MERTK: variants seen among roughly 807,000 people sequenced by gnomAD.
MERTK encodes the protein tyrosine-protein kinase Mer.
In MERTK, 69 loss-of-function variants were observed where a neutral mutation model predicts 99.3. The observed-to-expected ratio is 0.70, with a 90% confidence interval of 0.57 to 0.85. The LOEUF (loss-of-function observed/expected upper bound fraction) is 0.85, where lower values mean the gene tolerates loss of function less well. Among genes scored for constraint, MERTK ranks in the 40% least tolerant of loss-of-function variants. The pLI, the probability that MERTK is intolerant of heterozygous loss-of-function variation, is 0.00. For synonymous variants in MERTK, 426 were observed against 467.6 expected, an observed-to-expected ratio of 0.91 and a Z score of 1.15; for missense variants, 1,125 against 1,249.4, an observed-to-expected ratio of 0.90 and a Z score of 1.50.
chr2:111,947,962 G>A (rs1355476152), intron 4 of MERTK, among the ~76,000 whole-genome samples: 2 of 152,088 alleles, frequency 1.3e-5, no homozygotes, highest in African/African-American at 4.8e-5. Flanking sequence ...TCATCATGGG[G>A]AGCTATTGCA....
intron 18 of MERTK, among the ~76,000 whole-genome samples, chr2:112,023,086 TG>T (rs1204553433): frequency 6.6e-6 from 1 of 152,092 alleles, no homozygotes; most frequent in Non-Finnish European, 1.5e-5. Context: ...AAGACCAGCC[TG>T]GGCAACATAG....
At chr2:111,989,770 A>G (rs1273540393) in intron 8 of MERTK, among the ~76,000 whole-genome samples, 1 of 152,174 alleles carries the variant, frequency 6.6e-6, no homozygotes, top group African/African-American at 2.4e-5. Context: ...TAAAAAACAA[A>G]TTGACTTTCC....
chr2:112,016,274 GAATA>G (rs1427909071), intron 15 of MERTK, among the ~76,000 whole-genome samples: 1 of 152,102 alleles, frequency 6.6e-6, no homozygotes. Flanking sequence ...ACTGACTGAT[GAATA>G]GTTTCCATTT....
rs984652790 is a variant in MERTK, at chr2:111,951,522, C to T, written c.757+3955C>T. Among the ~76,000 whole-genome samples the T allele has an allele frequency of 1.2e-3, 107 of 85,844 alleles. 4 individuals carry two copies. Among genetic ancestry groups the T allele is most frequent in the Non-Finnish European group, 2.3e-3 (90 of 39,906 alleles). 56.3% of individuals were successfully genotyped at this position (85,844 alleles called of 152,430 possible). A position where few individuals can be genotyped will look rare whatever the true frequency, so the allele number is the denominator to read the frequency against. ...TTTTGTACACGCTGAATAATATTCCCATATATATATATATATATATATATA... is the reference window on the plus strand; with the variant it reads ...TTTTGTACACGCTGAATAATATTCCTATATATATATATATATATATATATA... On this transcript the variant is annotated intron_variant, in intron 4 of 18. Transcript: ENST00000295408.
At chr2:111,976,724 T>C (rs1335937368) in intron 7 of MERTK, among the ~76,000 whole-genome samples, 1 of 151,802 alleles carries the variant, frequency 6.6e-6, no homozygotes, top group African/African-American at 2.4e-5. Context: ...TTTTCTTCTT[T>C]TTCTTCATTT....
intron 13 of MERTK, among the ~76,000 whole-genome samples, chr2:112,006,362 C>A (rs1676980310): frequency 6.6e-6 from 1 of 152,106 alleles, no homozygotes; most frequent in Non-Finnish European, 1.5e-5. Flanking sequence ...ATGAACATAA[C>A]TAAAAAGGAG....
At chr2:111,921,547 A>G (rs1181594284) in intron 1 of MERTK, among the ~76,000 whole-genome samples, 1 of 152,054 alleles carries the variant, frequency 6.6e-6, no homozygotes, top group Non-Finnish European at 1.5e-5. Flanking sequence ...ACCCACCTGC[A>G]GAAGGGCTGT....
intron 18 of MERTK, among the ~76,000 whole-genome samples, chr2:112,023,272 G>A (rs1677394680): frequency 6.6e-6 from 1 of 152,160 alleles, no homozygotes; most frequent in East Asian, 1.9e-4. Flanking sequence ...AAATTAGCCG[G>A]GTGTGGTGGC....
intron 2 of MERTK, chr2:111,940,629 A>G (rs1345794992): frequency 4.5e-6 from 3 of 671,866 alleles, no homozygotes; most frequent in Non-Finnish European, 5.8e-6. Context: ...GGTTAGCCAA[A>G]GCCATTACAC....
chr2:111,960,558 A>T (rs1346442689), intron 4 of MERTK, among the ~76,000 whole-genome samples: 1 of 151,874 alleles, frequency 6.6e-6, no homozygotes, highest in Non-Finnish European at 1.5e-5. Flanking sequence ...ATAAAGTTGT[A>T]CTTATGTTTA....
chr2:111,919,226 G>A (rs992319450), intron 1 of MERTK, among the ~76,000 whole-genome samples: 1 of 152,118 alleles, frequency 6.6e-6, no homozygotes, highest in Non-Finnish European at 1.5e-5. Flanking sequence ...GCTCCATCCA[G>A]GCCATTCAGT....
chr2:111,995,701 A>G (rs1676721574), intron 9 of MERTK, among the ~76,000 whole-genome samples: 1 of 152,256 alleles, frequency 6.6e-6, no homozygotes, highest in South Asian at 2.1e-4. Flanking sequence ...TGTAATTCCA[A>G]CACTTTGGGA....
chr2:111,939,600 C>A (rs1639905612), intron 2 of MERTK, among the ~76,000 whole-genome samples: 1 of 151,598 alleles, frequency 6.6e-6, no homozygotes, highest in Admixed American at 6.6e-5. Flanking sequence ...CCCATCTTAG[C>A]CTCCCAAGTA....
At chr2:112,028,245 G>A in intron 18 of MERTK, 106 bp from the exon 19 acceptor site, 1 of 1,230,040 alleles carries the variant, frequency 8.1e-7, no homozygotes, top group Middle Eastern at 1.9e-4. Context: ...AAAGTAGAAT[G>A]AATGCTGATT....
intron 4 of MERTK, among the ~76,000 whole-genome samples, chr2:111,963,032 TGTTTCTCGGA>T (rs1685280208): frequency 6.6e-6 from 1 of 152,080 alleles, no homozygotes. Flanking sequence ...CATTCTTGGG[TGTTTCTCGGA>T]GAGGGGGATG....
chr2:111,956,333 A>G (rs1685148356), intron 4 of MERTK, among the ~76,000 whole-genome samples: 1 of 152,032 alleles, frequency 6.6e-6, no homozygotes, highest in South Asian at 2.1e-4. Context: ...AATGCTACCT[A>G]TTATATTTTT....
In MERTK at chr2:112,028,588, C is replaced by G. The variant is rs1204107292; in HGVS notation, c.2724C>G (p.Pro908=). ...DPDSIIASCT[P]RAAISVVTAE... ...ACTCTATAATTGCCTCCTGCACTCC[C>G]CGCGCTGCCATCAGTGTGGTCACAG... is the stretch of plus-strand genomic sequence containing the variant. The change falls in exon 19 of 19, where the codon CCC becomes CCG. Residue 908 remains proline (P), a synonymous_variant. Transcript: ENST00000295408. 1 of 1,614,202 alleles carries G rather than the reference C, an allele frequency of 6.2e-7. No homozygotes were observed. Among genetic ancestry groups the G allele is most frequent in the African/African-American group, 1.3e-5 (1 of 75,042 alleles).
Position 112,028,621 on chromosome 2 carries a change from T to G in MERTK, c.2757T>G (p.Val919=), listed in dbSNP as rs771943164. 6.2e-7 allele frequency: 1 copy of G among 1,614,194 alleles called. No individual in the cohort carries two copies. Among genetic ancestry groups the G allele is most frequent in the Non-Finnish European group, 8.5e-7 (1 of 1,180,032 alleles). ...RAAISVVTAE[V]HDSKPHEGRY... is the part of the protein sequence containing the mutation. ...CCATCAGTGTGGTCACAGCAGAAGT[T>G]CATGACAGCAAACCTCATGAAGGAC... Residue 919 remains valine (V), a synonymous_variant, in exon 19 of 19, where the codon GTT becomes GTG. Transcript: ENST00000295408.
intron 1 of MERTK, among the ~76,000 whole-genome samples, chr2:111,922,263 C>A (rs527960876): frequency 3.3e-5 from 5 of 152,280 alleles, no homozygotes; most frequent in Admixed American, 3.3e-4. Flanking sequence ...CCTGCAATTT[C>A]AGTTGCTGCT....
Sources: allele counts gnomAD v4.1 joint callset (sites outside exome capture counted in the v4.1 genomes callset), GRCh38; gene constraint gnomAD v4.1.1; transcripts MANE v1.5; gene names NCBI Gene and HGNC (gene_info 2026-07-23, HGNC 2026-07-21).